KLHL1: variants seen among roughly 807,000 people sequenced by gnomAD.
KLHL1 encodes kelch like family member 1.
In KLHL1, 47 loss-of-function variants were observed where a neutral mutation model predicts 77.7. That is an observed-to-expected ratio of 0.60 (90% confidence interval 0.48 to 0.77). The LOEUF (loss-of-function observed/expected upper bound fraction) is 0.77, where lower values mean the gene tolerates loss of function less well. Ranked by LOEUF, KLHL1 falls within the 30% of genes least tolerant of loss-of-function variation. KLHL1 has a pLI of 0.00. For missense variants in KLHL1, 925 were observed against 910.8 expected (o/e 1.02, Z -0.20); for synonymous variants, 360 against 325.2 (o/e 1.11, Z -1.15).
chr13:69,779,350 T>TTCCCTC (rs1469986711), intron 7 of KLHL1, among the ~76,000 whole-genome samples: 1 of 150,384 alleles, frequency 6.6e-6, no homozygotes, highest in Admixed American at 6.6e-5. Context: ...CCTTCCCTCC[T>TTCCCTC]CTTTTTTCCT....
At chr13:70,077,073 TA>T (rs1272448491) in intron 1 of KLHL1, among the ~76,000 whole-genome samples, 1 of 151,998 alleles carries the variant, frequency 6.6e-6, no homozygotes, top group Non-Finnish European at 1.5e-5. Flanking sequence ...GGAAGTTCCT[TA>T]AAAAGCTTGA....
chr13:70,084,154 C>A (rs1040395493), intron 1 of KLHL1, among the ~76,000 whole-genome samples: 3 of 152,086 alleles, frequency 2.0e-5, no homozygotes, highest in African/African-American at 7.2e-5. Context: ...TTATGCATTT[C>A]CAATCATGAG....
chr13:70,008,686 G>C (rs555882916), intron 1 of KLHL1, among the ~76,000 whole-genome samples: 1 of 151,886 alleles, frequency 6.6e-6, no homozygotes, highest in Non-Finnish European at 1.5e-5. Flanking sequence ...TCACTCAAAT[G>C]CTGAAAACAA....
At chr13:69,715,521 ATTTAT>A (rs534315520) in intron 9 of KLHL1, among the ~76,000 whole-genome samples, 10 of 120,928 alleles carry the variant, frequency 8.3e-5, no homozygotes, top group East Asian at 4.3e-4. Context: ...CAGTTTTATT[ATTTAT>A]TTTTTTTTTT....
chr13:70,086,355 C>T (rs1887536874), intron 1 of KLHL1, among the ~76,000 whole-genome samples: 1 of 151,352 alleles, frequency 6.6e-6, no homozygotes, highest in African/African-American at 2.4e-5. Flanking sequence ...GGCCTAGGTG[C>T]TTGGATCACC....
In KLHL1 at chr13:69,838,863, A is replaced by G. The variant is rs1278072886; in HGVS notation, c.1414+113T>C. 6.7e-6 allele frequency: 4 copies of G among 592,870 alleles called. No homozygotes were observed. The African/African-American group carries it at 7.7e-5, about 11-fold the overall frequency. 36.7% of individuals were successfully genotyped at this position (592,870 alleles called of 1,614,324 possible). On this transcript the variant is annotated intron_variant, in intron 6 of 10. Coordinates refer to ENST00000377844, the MANE Select transcript of KLHL1 (RefSeq NM_020866.3). ...TTAATTTCTCCCTTAATCTTAAATT[A>G]CAATAATTAAAGCTGAGTTTATGTC...
chr13:69,985,791 TA>T (rs1166659901), intron 1 of KLHL1, among the ~76,000 whole-genome samples: 4 of 147,224 alleles, frequency 2.7e-5, no homozygotes, highest in East Asian at 3.9e-4. Flanking sequence ...TATATATATA[TA>T]TTTTATATAT....
chr13:69,841,994 G>T (rs1228227784), intron 5 of KLHL1, among the ~76,000 whole-genome samples: 1 of 151,828 alleles, frequency 6.6e-6, no homozygotes, highest in Non-Finnish European at 1.5e-5. Context: ...ACATGCAGAA[G>T]AATGAAACTA....
chr13:69,719,296 C>T (rs188070358), intron 9 of KLHL1, 73 bp downstream of exon 9: 41 of 1,318,108 alleles, frequency 3.1e-5, no homozygotes. Context: ...TGCAATTTTT[C>T]CAATCACTTG....
At chr13:70,045,263 C>T (rs1438437336) in intron 1 of KLHL1, among the ~76,000 whole-genome samples, 1 of 152,170 alleles carries the variant, frequency 6.6e-6, no homozygotes. Flanking sequence ...TAATCCAATA[C>T]ATTAAGCACA....
intron 7 of KLHL1, among the ~76,000 whole-genome samples, chr13:69,752,768 T>G (rs949241443): frequency 2.0e-5 from 3 of 152,152 alleles, no homozygotes; most frequent in African/African-American, 7.2e-5. Context: ...AGGAATCACT[T>G]GAGCGGAACA....
At chr13:70,024,620 T>TTCTCTCTCTCTCTCTCTTTCTCTCTCTC (rs71116979) in intron 1 of KLHL1, among the ~76,000 whole-genome samples, 23 of 130,406 alleles carry the variant, frequency 1.8e-4, no homozygotes, top group East Asian at 1.3e-3. Flanking sequence ...GAGAAAAGAT[T>TTCTCTCTCTCTCTCTCTTTCTCTCTCTC]TCTCTCTCTC....
intron 7 of KLHL1, among the ~76,000 whole-genome samples, chr13:69,789,678 A>T (rs1876768577): frequency 6.6e-6 from 1 of 152,178 alleles, no homozygotes. Flanking sequence ...ATATATAGAC[A>T]TCAGTGTTCT....
chr13:69,762,773 C>A lies in KLHL1; in HGVS notation c.1640-22217G>T, dbSNP rs1000062985. Among the ~76,000 whole-genome samples the A allele has an allele frequency of 3.3e-5, 5 of 150,882 alleles. 1 individual carries two copies. In the South Asian group the frequency reaches 8.4e-4, roughly 25 times the overall value. ...CTCTTACCTCAATTTTTTCTTATGT[C>A]TCTATGAACAATAAAACTGGAAAAG... is the stretch of plus-strand genomic sequence containing the variant. On this transcript the variant is annotated intron_variant, in intron 7 of 10. Transcript: ENST00000377844.
chr13:69,958,736 AT>A lies in KLHL1; in HGVS notation c.817+2571del, dbSNP rs1883969959. Among the ~76,000 whole-genome samples the A allele has an allele frequency of 3.4e-5, 5 of 145,826 alleles. No individual in the cohort carries two copies. The South Asian group carries it at 1.1e-3, about 32-fold the overall frequency. On this transcript the variant is annotated intron_variant, in intron 3 of 10. Coordinates refer to ENST00000377844, the MANE Select transcript of KLHL1 (RefSeq NM_020866.3). ...TCACCAAAGCCTCTCAAACCTTAAA[AT>A]TAAAAAAAAAAAATACATATTATCA...
At chr13:69,706,638 C>T (rs1182012750) in intron 10 of KLHL1, among the ~76,000 whole-genome samples, 2 of 151,922 alleles carry the variant, frequency 1.3e-5, no homozygotes, top group African/African-American at 4.8e-5. Flanking sequence ...TAGAGCTGCA[C>T]TGCACTCCTA....
chr13:70,050,949 T>C (rs1886615426), intron 1 of KLHL1, among the ~76,000 whole-genome samples: 1 of 151,994 alleles, frequency 6.6e-6, no homozygotes, highest in Admixed American at 6.6e-5. Flanking sequence ...TAAGTACCTC[T>C]TTCTCTAACT....
intron 3 of KLHL1, among the ~76,000 whole-genome samples, chr13:69,961,073 A>G (rs984101732): frequency 4.6e-5 from 7 of 152,020 alleles, no homozygotes; most frequent in African/African-American, 1.7e-4. Context: ...TCTACTATTT[A>G]CATATTTATT....
intron 4 of KLHL1, among the ~76,000 whole-genome samples, chr13:69,923,232 C>T (rs74092661): frequency 0.065 from 9,900 of 152,210 alleles, 433 homozygotes; most frequent in African/African-American, 0.12. Flanking sequence ...AGTTCATTAA[C>T]GTTAAATACT....
Sources: allele counts gnomAD v4.1 joint callset (sites outside exome capture counted in the v4.1 genomes callset), GRCh38; gene constraint gnomAD v4.1.1; transcripts MANE v1.5; gene names NCBI Gene and HGNC (gene_info 2026-07-23, HGNC 2026-07-21).